The following SMYD3 variants were observed in gnomAD, a reference collection of about 807,000 sequenced individuals.
SMYD3 encodes the protein SET and MYND domain containing 3.
A neutral mutation model predicts 57.7 loss-of-function variants in SMYD3; 36 were observed. The observed-to-expected ratio is 0.62, with a 90% CI of 0.48 to 0.82. The LOEUF (loss-of-function observed/expected upper bound fraction) is 0.82, where lower values mean the gene tolerates loss of function less well. Ranked by LOEUF, SMYD3 falls within the 40% of genes least tolerant of loss-of-function variation. The probability of loss-of-function intolerance (pLI) is 0.00; values close to 1 mark genes in which losing one functional copy is unlikely to be tolerated. For synonymous variants in SMYD3, 211 were observed against 195.0 expected, an observed-to-expected ratio of 1.08 and a Z score of -0.68; for missense variants, 515 against 538.8, an observed-to-expected ratio of 0.96 and a Z score of 0.44.
intron 8 of SMYD3, among the ~76,000 whole-genome samples, chr1:245,889,535 AC>A (rs1459739788): frequency 6.6e-6 from 1 of 152,150 alleles, no homozygotes; most frequent in African/African-American, 2.4e-5. Flanking sequence ...TCCAACACCT[AC>A]TGTAATGAAG....
chr1:246,240,306 T>C (rs566863326), intron 5 of SMYD3, among the ~76,000 whole-genome samples: 20 of 152,374 alleles, frequency 1.3e-4, no homozygotes, highest in Non-Finnish European at 2.5e-4. Context: ...GCTTTCTACA[T>C]GTGGCTAGTC....
rs368786887 is a variant in SMYD3 at position 245,841,893 on chromosome 1, T to C, written c.1076+16603A>G. Reference sequence around the variant, plus strand: ...AGTCAATGGACTGCATATGTGATAATAGTTGTTCCACAAGATTATACTGGA... The same window carrying C: ...AGTCAATGGACTGCATATGTGATAACAGTTGTTCCACAAGATTATACTGGA... On this transcript the variant is annotated intron_variant, in intron 10 of 11. Coordinates refer to ENST00000490107, the MANE Select transcript of SMYD3 (RefSeq NM_001167740.2). 2.0e-4 allele frequency among the ~76,000 whole-genome samples: 31 copies of C among 152,324 alleles called. No individual in the cohort carries two copies. The South Asian group carries it at 4.4e-3, about 21-fold the overall frequency.
intron 5 of SMYD3, among the ~76,000 whole-genome samples, chr1:246,089,668 G>A (rs2060786957): frequency 6.6e-6 from 1 of 152,086 alleles, no homozygotes; most frequent in African/African-American, 2.4e-5. Context: ...TGCACACCAT[G>A]AAAACAAGTT....
intron 5 of SMYD3, among the ~76,000 whole-genome samples, chr1:245,958,268 G>A (rs1009264379): frequency 6.6e-6 from 1 of 152,174 alleles, no homozygotes; most frequent in Non-Finnish European, 1.5e-5. Flanking sequence ...AGAGGAATGA[G>A]CTATAAAATA....
intron 1 of SMYD3, among the ~76,000 whole-genome samples, chr1:246,495,617 C>T (rs2068348595): frequency 6.6e-6 from 1 of 152,084 alleles, no homozygotes; most frequent in South Asian, 2.1e-4. Context: ...TTTCTCTTAT[C>T]AGTTTATGAA....
chr1:245,858,876 A>C (rs2051391361), intron 9 of SMYD3, among the ~76,000 whole-genome samples: 2 of 152,210 alleles, frequency 1.3e-5, no homozygotes, highest in Non-Finnish European at 2.9e-5. Context: ...TTACATCAAC[A>C]AACTATCTCG....
intron 8 of SMYD3, among the ~76,000 whole-genome samples, chr1:245,903,672 G>C (rs967062319): frequency 6.6e-6 from 1 of 152,200 alleles, no homozygotes; most frequent in Non-Finnish European, 1.5e-5. Context: ...CTGGGTGCTA[G>C]GGAAGGGATG....
intron 5 of SMYD3, among the ~76,000 whole-genome samples, chr1:245,988,896 G>A (rs1426107638): frequency 6.6e-6 from 1 of 152,262 alleles, no homozygotes; most frequent in Non-Finnish European, 1.5e-5. Flanking sequence ...CTGACGCTCA[G>A]CAGCCATTCT....
chr1:246,279,242 C>T (rs1395263021), intron 5 of SMYD3, among the ~76,000 whole-genome samples: 3 of 152,154 alleles, frequency 2.0e-5, no homozygotes, highest in Non-Finnish European at 2.9e-5. Context: ...TGAGACCAGC[C>T]GGGCGCGGTG....
chr1:245,805,003 C>T (rs2048071433), intron 10 of SMYD3, among the ~76,000 whole-genome samples: 1 of 152,176 alleles, frequency 6.6e-6, no homozygotes, highest in Non-Finnish European at 1.5e-5. Context: ...TCACAACAAG[C>T]AAGACCCATT....
chr1:246,007,086 C>T (rs2059187639), intron 5 of SMYD3, among the ~76,000 whole-genome samples: 1 of 152,190 alleles, frequency 6.6e-6, no homozygotes, highest in Non-Finnish European at 1.5e-5. Context: ...AGAAAGTGAT[C>T]AACTCCCCAC....
chr1:246,111,019 A>G (rs1218460396), intron 5 of SMYD3, among the ~76,000 whole-genome samples: 1 of 152,172 alleles, frequency 6.6e-6, no homozygotes, highest in East Asian at 1.9e-4. Flanking sequence ...TTGCGCAAAG[A>G]GAAACAAATA....
At chr1:245,870,063 T>G (rs936543670) in intron 8 of SMYD3, among the ~76,000 whole-genome samples, 1 of 152,148 alleles carries the variant, frequency 6.6e-6, no homozygotes, top group Non-Finnish European at 1.5e-5. Context: ...GTATTCCCAG[T>G]GCCTGCAAGG....
chr1:245,824,584 G>A (rs777102274), intron 10 of SMYD3, among the ~76,000 whole-genome samples: 5 of 151,590 alleles, frequency 3.3e-5, no homozygotes, highest in Non-Finnish European at 5.9e-5. Context: ...AGCCAGGCAC[G>A]TTGGCTCACG....
chr1:245,846,104 A>G (rs2050651280), intron 10 of SMYD3, among the ~76,000 whole-genome samples: 2 of 151,994 alleles, frequency 1.3e-5, no homozygotes, highest in African/African-American at 4.8e-5. Flanking sequence ...GGTGGGGGGG[A>G]AGAAGCTGCT....
At chr1:246,197,115 T>A (rs1336572329) in intron 5 of SMYD3, among the ~76,000 whole-genome samples, 2 of 152,176 alleles carry the variant, frequency 1.3e-5, no homozygotes, top group Non-Finnish European at 2.9e-5. Flanking sequence ...TAGTATTGGA[T>A]TATAACTAGA....
intron 5 of SMYD3, among the ~76,000 whole-genome samples, chr1:246,193,318 C>CATAGAA (rs74586946): frequency 1.3e-5 from 2 of 152,078 alleles, no homozygotes; most frequent in Admixed American, 6.6e-5. Context: ...AACAAGATCA[C>CATAGAA]ATAGAAATAG....
At chr1:246,254,448 G>A (rs375091039) in intron 5 of SMYD3, among the ~76,000 whole-genome samples, 1 of 152,212 alleles carries the variant, frequency 6.6e-6, no homozygotes, top group Admixed American at 6.5e-5. Flanking sequence ...ATGGCTGTAG[G>A]TGTATGGCTT....
At chr1:245,947,976 T>A (rs1054637353) in intron 5 of SMYD3, among the ~76,000 whole-genome samples, 1 of 152,154 alleles carries the variant, frequency 6.6e-6, no homozygotes, top group African/African-American at 2.4e-5. Context: ...TCAGAGGAGA[T>A]TCACGCCTCT....
Sources: gnomAD v4.1 joint callset for allele counts (sites outside exome capture counted in the v4.1 genomes callset) on GRCh38, gnomAD v4.1.1 for gene constraint, MANE v1.5 for transcripts, NCBI Gene and HGNC (gene_info 2026-07-23, HGNC 2026-07-21) for gene names.